Variants in MPZL1 observed in about 807,000 individuals in gnomAD.
The protein encoded by MPZL1 is myelin protein zero like 1.
MPZL1 carries 16 observed loss-of-function variants against 29.3 expected under a neutral mutation model. The observed-to-expected ratio is 0.55, with a 90% CI of 0.37 to 0.83. The LOEUF is 0.83. Among genes scored for constraint, MPZL1 ranks in the 40% least tolerant of loss-of-function variants. MPZL1 has a pLI of 0.00. For missense variants in MPZL1, 279 were observed against 332.9 expected (o/e 0.84, Z 1.26); for synonymous variants, 143 against 132.0 (o/e 1.08, Z -0.57).
At chr1:167,756,832 T>G (rs1329661385) in intron 1 of MPZL1, among the ~76,000 whole-genome samples, 1 of 152,142 alleles carries the variant, frequency 6.6e-6, no homozygotes, top group Non-Finnish European at 1.5e-5. Flanking sequence ...CACAGCCCTT[T>G]GCCCTCTTGG....
At chr1:167,773,434 T>G (rs1571167146) in intron 4 of MPZL1, 66 bp downstream of exon 4, 7 of 1,499,638 alleles carry the variant, frequency 4.7e-6, no homozygotes, top group Non-Finnish European at 6.3e-6. Context: ...GAAACTTCTG[T>G]ATTTAATGAA....
chr1:167,729,688 A>G (rs1660224097), intron 1 of MPZL1, among the ~76,000 whole-genome samples: 1 of 152,134 alleles, frequency 6.6e-6, no homozygotes, highest in Admixed American at 6.5e-5. Flanking sequence ...AGATGTTTTA[A>G]CTTCTCCCTC....
intron 5 of MPZL1, among the ~76,000 whole-genome samples, chr1:167,785,727 T>C (rs1324133656): frequency 6.6e-6 from 1 of 152,252 alleles, no homozygotes; most frequent in Non-Finnish European, 1.5e-5. Flanking sequence ...GGGAGTTCCG[T>C]CCTATTCTTG....
At chr1:167,734,304 C>T (rs1440992217) in intron 1 of MPZL1, among the ~76,000 whole-genome samples, 3 of 152,030 alleles carry the variant, frequency 2.0e-5, no homozygotes, top group African/African-American at 7.2e-5. Flanking sequence ...CTCCCTAGGC[C>T]TTTGAATGCC....
intron 3 of MPZL1, 81 bp downstream of exon 3, chr1:167,772,569 TGGTG>T: frequency 7.5e-7 from 1 of 1,339,826 alleles, no homozygotes; most frequent in Non-Finnish European, 1.0e-6. Context: ...TTGCATTTCA[TGGTG>T]GGTTTGGAGG....
rs1185733910 is a variant in MPZL1, at chr1:167,771,625, G to A, written c.259-650G>A. On this transcript the variant is annotated intron_variant, in intron 2 of 5. Coordinates refer to ENST00000359523, the MANE Select transcript of MPZL1 (RefSeq NM_003953.6). Reference sequence around the variant, plus strand: ...GACGGGGTGGTGGCCGGGCAGAGGCGCTCCTCACTTCCCAGACAGGGTGGC... The same window carrying A: ...GACGGGGTGGTGGCCGGGCAGAGGCACTCCTCACTTCCCAGACAGGGTGGC... Among the ~76,000 whole-genome samples the A allele has an allele frequency of 2.0e-5, 3 of 151,498 alleles. No homozygotes were observed. In the East Asian group the frequency reaches 5.8e-4, roughly 29 times the overall value.
intron 1 of MPZL1, among the ~76,000 whole-genome samples, chr1:167,751,295 T>C (rs939907344): frequency 2.0e-5 from 3 of 152,228 alleles, no homozygotes; most frequent in African/African-American, 4.8e-5. Flanking sequence ...AAAATGGTTG[T>C]GATGTTTAAA....
At chr1:167,749,467 T>C (rs1490626275) in intron 1 of MPZL1, among the ~76,000 whole-genome samples, 3 of 152,220 alleles carry the variant, frequency 2.0e-5, no homozygotes, top group Non-Finnish European at 4.4e-5. Context: ...GGGAAAATCT[T>C]GAAATACATC....
rs58079089 is a variant in MPZL1, at chr1:167,767,792, C to CTTTT, written c.258+2063_258+2066dup. On this transcript the variant is annotated intron_variant, in intron 2 of 5. Coordinates refer to ENST00000359523, the MANE Select transcript of MPZL1 (RefSeq NM_003953.6). ...TTCTCCCTTCTGTTTCCCTTTTCTG[C>CTTTT]TTTTTTTTTTTTTTTTTTTTTTTAG... Among the ~76,000 whole-genome samples the CTTTT allele has an allele frequency of 7.4e-4, 43 of 58,100 alleles. 6 individuals carry two copies. Among genetic ancestry groups the CTTTT allele is most frequent in the African/African-American group, 2.0e-3 (29 of 14,624 alleles). 38.1% of individuals were successfully genotyped at this position (58,100 alleles called of 152,430 possible). A position where few individuals can be genotyped will look rare whatever the true frequency, so the allele number is the denominator to read the frequency against.
chr1:167,737,288 G>A (rs1007594529), intron 1 of MPZL1, among the ~76,000 whole-genome samples: 3 of 152,154 alleles, frequency 2.0e-5, no homozygotes, highest in African/African-American at 7.2e-5. Flanking sequence ...AGCAGAGAGG[G>A]TGAAAATAAG....
intron 2 of MPZL1, among the ~76,000 whole-genome samples, chr1:167,772,016 G>T (rs535002320): frequency 6.6e-6 from 1 of 152,022 alleles, no homozygotes; most frequent in South Asian, 2.1e-4. Context: ...CCAGGCAGTC[G>T]GCAGCCCGAG....
chr1:167,729,570 A>G (rs1660222381), intron 1 of MPZL1, among the ~76,000 whole-genome samples: 1 of 152,220 alleles, frequency 6.6e-6, no homozygotes, highest in Non-Finnish European at 1.5e-5. Flanking sequence ...ATTAGGAAGC[A>G]TAGATAGAGG....
chr1:167,750,606 G>A (rs1660736281), intron 1 of MPZL1, among the ~76,000 whole-genome samples: 1 of 152,158 alleles, frequency 6.6e-6, no homozygotes, highest in Non-Finnish European at 1.5e-5. Context: ...CCACATGGAA[G>A]CAGTAAAAAT....
At chr1:167,758,717 G>A (rs994060385) in intron 1 of MPZL1, among the ~76,000 whole-genome samples, 2 of 152,250 alleles carry the variant, frequency 1.3e-5, no homozygotes, top group South Asian at 4.1e-4. Context: ...TTAAGGGTCA[G>A]TGTCACTTCA....
At chr1:167,756,746 C>T (rs1660876710) in intron 1 of MPZL1, among the ~76,000 whole-genome samples, 1 of 152,104 alleles carries the variant, frequency 6.6e-6, no homozygotes, top group Admixed American at 6.5e-5. Context: ...GACATTCAAA[C>T]AAATGTTTCT....
chr1:167,739,310 C>CACACATACAT (rs1660465457), intron 1 of MPZL1, among the ~76,000 whole-genome samples: 19 of 101,360 alleles, frequency 1.9e-4, no homozygotes, highest in African/African-American at 6.0e-4. Flanking sequence ...TATATATATA[C>CACACATACAT]ACATATATAT....
intron 1 of MPZL1, among the ~76,000 whole-genome samples, chr1:167,738,476 A>G (rs188062531): frequency 6.6e-6 from 1 of 152,030 alleles, no homozygotes; most frequent in Non-Finnish European, 1.5e-5. Context: ...TATTTTTCCT[A>G]CTATTTATAG....
Position 167,776,067 on chromosome 1 carries a change from C to T in MPZL1, c.609C>T (p.Cys203=). ...RKNSKRDYTG[C]STSESLSPVK... is the part of the protein sequence containing the mutation. ...CTTCAAATTGCCAATTCATCAGCTG[C>T]AGTACATCAGAGAGTTTGTCACCAG... The change falls in exon 5 of 6, where the codon TGC becomes TGT. Residue 203 remains cysteine, a synonymous_variant. Coordinates refer to ENST00000359523, the MANE Select transcript of MPZL1 (RefSeq NM_003953.6). 2.5e-6 allele frequency: 4 copies of T among 1,596,616 alleles called. No individual in the cohort carries two copies. Among genetic ancestry groups the T allele is most frequent in the Non-Finnish European group, 3.4e-6 (4 of 1,169,794 alleles).
intron 5 of MPZL1, among the ~76,000 whole-genome samples, chr1:167,783,257 T>A (rs997280186): frequency 6.6e-6 from 1 of 151,576 alleles, no homozygotes; most frequent in Admixed American, 6.6e-5. Flanking sequence ...CCAAGTGGAG[T>A]GGGAGGCTGG....
Sources: gnomAD v4.1 joint callset for allele counts (sites outside exome capture counted in the v4.1 genomes callset) on GRCh38, gnomAD v4.1.1 for gene constraint, MANE v1.5 for transcripts, NCBI Gene and HGNC (gene_info 2026-07-23, HGNC 2026-07-21) for gene names.